PLOD2: variants seen among roughly 807,000 people sequenced by gnomAD.
PLOD2 encodes lysine hydroxylase 2.
PLOD2 carries 65 observed loss-of-function variants against 101.0 expected under a neutral mutation model. The observed-to-expected ratio is 0.64, with a 90% CI of 0.53 to 0.79. The LOEUF (loss-of-function observed/expected upper bound fraction) is 0.79. Among genes scored for constraint, PLOD2 ranks in the 30% least tolerant of loss-of-function variants. PLOD2 has a pLI of 0.00. For synonymous variants in PLOD2, 314 were observed against 302.9 expected (o/e 1.04, Z -0.38); for missense variants, 909 against 914.6 (o/e 0.99, Z 0.08).
At chr3:146,088,370 T>C (rs1401414473) in intron 9 of PLOD2, among the ~76,000 whole-genome samples, 1 of 151,638 alleles carries the variant, frequency 6.6e-6, no homozygotes, top group East Asian at 1.9e-4. Flanking sequence ...ATTTTTGATC[T>C]ACAGAAACTG....
chr3:146,073,183 G>C, intron 16 of PLOD2, 104 bp downstream of exon 16: 1 of 551,360 alleles, frequency 1.8e-6, no homozygotes. Flanking sequence ...TTACCTAAAA[G>C]GTAGTTTCTC....
At chr3:146,083,177 A>C (rs1263647514) in intron 11 of PLOD2, among the ~76,000 whole-genome samples, 2 of 152,228 alleles carry the variant, frequency 1.3e-5, no homozygotes, top group Admixed American at 1.3e-4. Flanking sequence ...ACCAAAATTC[A>C]TCTGCTGTAT....
chr3:146,159,171 A>ATGCC, intron 1 of PLOD2, among the ~76,000 whole-genome samples: 1 of 152,310 alleles, frequency 6.6e-6, no homozygotes, highest in Middle Eastern at 3.4e-3. Flanking sequence ...TTTCGACCCT[A>ATGCC]ACCGAATTCT....
At chr3:146,152,849 T>C (rs1443834505) in intron 1 of PLOD2, among the ~76,000 whole-genome samples, 2 of 152,244 alleles carry the variant, frequency 1.3e-5, no homozygotes, top group South Asian at 2.1e-4. Flanking sequence ...TGTAAGTCTG[T>C]TCATTTCTTT....
At chr3:146,077,955 AC>A (rs1936403638) in intron 13 of PLOD2, 31 bp from the exon 14 acceptor site, 1 of 1,150,172 alleles carries the variant, frequency 8.7e-7, no homozygotes, top group Admixed American at 1.7e-5. Flanking sequence ...GGGTAAGTTG[AC>A]CTGTACACCC....
At chr3:146,148,974 C>T (rs2031927924) in intron 1 of PLOD2, among the ~76,000 whole-genome samples, 2 of 152,128 alleles carry the variant, frequency 1.3e-5, no homozygotes, top group Admixed American at 1.3e-4. Context: ...AAGCATAATC[C>T]ACAGAAATAA....
At position 146,114,993 on chromosome 3, in the gene PLOD2, T is replaced by C. The variant is rs1049875294; in HGVS notation, c.339-4545A>G. On this transcript the variant is annotated intron_variant, in intron 3 of 19. Transcript: ENST00000282903. ...AGAAAACTTGGGGGGGATGAATTAA[T>C]AAAATGAATATAGAAAACAAAACAA... 3.7e-4 allele frequency among the ~76,000 whole-genome samples: 56 copies of C among 152,104 alleles called. 1 individual carries two copies. Among genetic ancestry groups the C allele is most frequent in the Admixed American group, 1.2e-3 (18 of 15,274 alleles).
intron 3 of PLOD2, among the ~76,000 whole-genome samples, chr3:146,110,847 T>C (rs969142396): frequency 1.3e-5 from 2 of 152,204 alleles, no homozygotes; most frequent in Non-Finnish European, 2.9e-5. Flanking sequence ...AGTAAATTTG[T>C]ACCAGTCCAT....
intron 1 of PLOD2, among the ~76,000 whole-genome samples, chr3:146,137,648 A>G (rs1378585603): frequency 6.6e-6 from 1 of 152,150 alleles, no homozygotes; most frequent in Non-Finnish European, 1.5e-5. Context: ...GGACTAGAAC[A>G]ACTACCCAAA....
intron 11 of PLOD2, among the ~76,000 whole-genome samples, chr3:146,082,539 C>A (rs1352487413): frequency 6.6e-6 from 1 of 152,170 alleles, no homozygotes; most frequent in African/African-American, 2.4e-5. Context: ...ACCTATTTCA[C>A]CTCTATCTTG....
rs1022140234 is a variant in PLOD2 at position 146,069,878 on chromosome 3, A to G, written c.*839T>C. On this transcript the variant is annotated 3_prime_UTR_variant, in exon 20 of 20. Transcript: ENST00000282903. ...TCTCAATGAAATTTTTCGTTTTCCT[A>G]TTTTCTAGAACTTTCTAAAAAAGGA... 1 of 152,224 alleles carries G rather than the reference A, an allele frequency of 6.6e-6. No homozygotes were observed. The highest frequency in any genetic ancestry group is 2.4e-5 in the African/African-American group (1 of 41,396). The allele number at this position is 152,224 out of a possible 1,614,324, so 9.4% of individuals were successfully genotyped here. A position where few individuals can be genotyped will look rare whatever the true frequency, so the allele number is the denominator to read the frequency against.
At position 146,161,021 on chromosome 3, in the gene PLOD2, C is replaced by A. The variant is rs1042535235; in HGVS notation, c.-32G>T. The A allele has an allele frequency of 1.4e-6, 2 of 1,392,278 alleles. No individual in the cohort carries two copies. The highest frequency in any genetic ancestry group is 1.0e-6 in the Non-Finnish European group (1 of 1,003,012). The allele number at this position is 1,392,278 out of a possible 1,614,324, so 86.2% of individuals were successfully genotyped here. On this transcript the variant is annotated 5_prime_UTR_variant, in exon 1 of 20. Coordinates refer to ENST00000282903, the MANE Select transcript of PLOD2 (RefSeq NM_182943.3). ...CCCTCGAGGGCCGCGCGGGCTCAGG[C>A]GCCCACGGCCCCGCAGCGCCGCGCT...
intron 3 of PLOD2, among the ~76,000 whole-genome samples, chr3:146,112,949 A>G (rs1027579586): frequency 1.3e-5 from 2 of 152,122 alleles, no homozygotes; most frequent in African/African-American, 4.8e-5. Flanking sequence ...CGTTCTGCAC[A>G]TATATCCCAG....
At chr3:146,103,498 G>A (rs1486700883) in intron 6 of PLOD2, among the ~76,000 whole-genome samples, 1 of 149,760 alleles carries the variant, frequency 6.7e-6, no homozygotes, top group Non-Finnish European at 1.5e-5. Context: ...CTCACTTTCT[G>A]GCCCCGGCTG....
chr3:146,105,509 C>T (rs1031388788), intron 5 of PLOD2, among the ~76,000 whole-genome samples: 1 of 152,190 alleles, frequency 6.6e-6, no homozygotes, highest in Non-Finnish European at 1.5e-5. Flanking sequence ...CCATAATCTC[C>T]AGGCTCCAAA....
At chr3:146,157,707 C>T (rs2032368153) in intron 1 of PLOD2, among the ~76,000 whole-genome samples, 1 of 152,170 alleles carries the variant, frequency 6.6e-6, no homozygotes, top group African/African-American at 2.4e-5. Context: ...TCTTCACATT[C>T]TCTATAGTAG....
intron 7 of PLOD2, among the ~76,000 whole-genome samples, chr3:146,094,717 C>G (rs1937088177): frequency 6.6e-6 from 1 of 152,118 alleles, no homozygotes; most frequent in Admixed American, 6.6e-5. Context: ...CTAGAAAAAA[C>G]TACTTTAAAT....
chr3:146,094,158 A>G (rs1011550280), intron 7 of PLOD2, among the ~76,000 whole-genome samples: 4 of 152,200 alleles, frequency 2.6e-5, no homozygotes, highest in South Asian at 2.1e-4. Context: ...TTCTTTCACA[A>G]TATCAAAATG....
chr3:146,143,148 C>T (rs1344761690), intron 1 of PLOD2, among the ~76,000 whole-genome samples: 1 of 152,036 alleles, frequency 6.6e-6, no homozygotes, highest in East Asian at 1.9e-4. Flanking sequence ...TTTTTAGGGT[C>T]CTGTTTTCCA....
Sources: gnomAD v4.1 joint callset for allele counts (sites outside exome capture counted in the v4.1 genomes callset) on GRCh38, gnomAD v4.1.1 for gene constraint, MANE v1.5 for transcripts, NCBI Gene and HGNC (gene_info 2026-07-23, HGNC 2026-07-21) for gene names.